A2ML1: variants seen among roughly 807,000 people sequenced by gnomAD.
A2ML1 encodes the protein alpha-2-macroglobulin like 1.
Under a neutral mutation model 181.9 loss-of-function variants are expected in A2ML1, and 161 were observed. The observed-to-expected ratio is 0.89, with a 90% confidence interval of 0.78 to 1.01. The LOEUF is 1.01. A2ML1 is among the 50% of genes least tolerant of loss of function. The pLI, the probability that A2ML1 is intolerant of heterozygous loss-of-function variation, is 0.00. For missense variants in A2ML1, 1,670 were observed against 1,768.1 expected (o/e 0.94, Z 1.00); for synonymous variants, 663 against 666.8 (o/e 0.99, Z 0.09).
intron 33 of A2ML1, among the ~76,000 whole-genome samples, chr12:8,871,514 T>C (rs777110633): frequency 2.4e-4 from 36 of 152,252 alleles, no homozygotes; most frequent in African/African-American, 8.4e-4. Context: ...CGTTTCACCA[T>C]GTTGGCCAGG....
chr12:8,827,513 C>A (rs755311267), intron 3 of A2ML1, among the ~76,000 whole-genome samples: 3 of 151,846 alleles, frequency 2.0e-5, no homozygotes, highest in Non-Finnish European at 2.9e-5. Flanking sequence ...TCTGTGTTAT[C>A]TAAAATTTTG....
At chr12:8,822,979 C>T (rs897917524) in intron 1 of A2ML1, among the ~76,000 whole-genome samples, 1 of 152,126 alleles carries the variant, frequency 6.6e-6, no homozygotes, top group Non-Finnish European at 1.5e-5. Context: ...CATGTGTGCT[C>T]GGTGAGGGCC....
At chr12:8,882,311 T>G (rs945194435) in intron 7 of A2ML1, among the ~76,000 whole-genome samples, 1 of 152,150 alleles carries the variant, frequency 6.6e-6, no homozygotes, top group African/African-American at 2.4e-5. Context: ...CTTGAAGGCT[T>G]TCCCTTCTCC....
In A2ML1 at chr12:8,829,711, G is replaced by T. The variant is rs771610150; in HGVS notation, c.410-16G>T. On this transcript the variant is annotated splice_polypyrimidine_tract_variant and intron_variant, in intron 3 of 35. Transcript: ENST00000299698. ...AGGAAACATCCCCTTTGCTAATGAT[G>T]CCTGTTCCTTTCCAGTGTATTTCCG... 6.2e-7 allele frequency: 1 copy of T among 1,607,336 alleles called. No individual in the cohort carries two copies. The highest frequency in any genetic ancestry group is 1.1e-5 in the South Asian group (1 of 90,920).
chr12:8,874,233 C>G (rs1378501738), intron 33 of A2ML1, among the ~76,000 whole-genome samples, 192 bp from the exon 34 acceptor site: 1 of 152,096 alleles, frequency 6.6e-6, no homozygotes, highest in African/African-American at 2.4e-5. Context: ...CCAGGCTGGT[C>G]TGGAACTCCT....
chr12:8,829,871 G>A, intron 4 of A2ML1, 92 bp downstream of exon 4: 1 of 1,496,924 alleles, frequency 6.7e-7, no homozygotes, highest in Admixed American at 1.7e-5. Flanking sequence ...GCCTGGGCGT[G>A]GCAAGGCGAG....
At chr12:8,845,260 AGGACCCG>A (rs1254530881) in intron 12 of A2ML1, 175 bp from the exon 13 acceptor site, 16 of 1,494,880 alleles carry the variant, frequency 1.1e-5, no homozygotes, top group Non-Finnish European at 1.4e-5. Context: ...AGGAGCCACC[AGGACCCG>A]TTGGCAGCAT....
intron 26 of A2ML1, among the ~76,000 whole-genome samples, chr12:8,859,677 A>T (rs1324932429): frequency 6.6e-6 from 1 of 151,712 alleles, no homozygotes; most frequent in East Asian, 1.9e-4. Context: ...GGTTCAAGTG[A>T]TCTCAGCCTC....
At chr12:8,860,144 T>C (rs1592145827) in intron 26 of A2ML1, among the ~76,000 whole-genome samples, 1 of 152,122 alleles carries the variant, frequency 6.6e-6, no homozygotes, top group Admixed American at 6.5e-5. Flanking sequence ...CGGGCTCAGA[T>C]GATCCTCCTA....
In A2ML1 at chr12:8,823,320, A is replaced by G. The variant is rs371564965; in HGVS notation, c.201A>G (p.Glu67=). The G allele has an allele frequency of 9.9e-6, 16 of 1,614,208 alleles. No individual in the cohort carries two copies. In the African/African-American group the frequency reaches 1.6e-4, roughly 16 times the overall value. ...ETKDKTQKLL[E]YSGLKKRHLH... is the part of the protein sequence containing the mutation. ...AGGACAAGACCCAGAAGTTGCTAGA[A>G]TACTCTGGACTGAAGAAGAGGCACT... The change falls in exon 2 of 36, where the codon GAA becomes GAG. Residue 67 remains glutamate (E), a synonymous_variant. Coordinates refer to ENST00000299698, the MANE Select transcript of A2ML1 (RefSeq NM_144670.6).
At position 8,839,163 on chromosome 12, in the gene A2ML1, T is replaced by C; in HGVS notation, c.1021T>C (p.Ser341Pro). The C allele has an allele frequency of 6.2e-7, 1 of 1,613,700 alleles. No individual in the cohort carries two copies. The highest frequency in any genetic ancestry group is 8.5e-7 in the Non-Finnish European group (1 of 1,179,706). ...TATCTACATTTCTCCACAAATGGGA[T>C]CAATGACCTTTGAAGACACCAGCAA... ...QNIYISPQMG[S>P]MTFEDTSNFY... The change falls in exon 10 of 36, where the codon TCA becomes CCA. Residue 341 changes from serine (S) to proline (P), a missense_variant. Transcript: ENST00000299698.
downstream of A2ML1, among the ~76,000 whole-genome samples, chr12:8,877,315 T>A (rs770286166): frequency 1.8e-4 from 27 of 152,144 alleles, no homozygotes; most frequent in African/African-American, 6.5e-4. Flanking sequence ...AAGTACATTC[T>A]ACAAAAATAA....
intron 28 of A2ML1, among the ~76,000 whole-genome samples, chr12:8,863,168 G>C (rs1259388673): frequency 6.6e-6 from 1 of 150,888 alleles, no homozygotes; most frequent in East Asian, 1.9e-4. Context: ...GTGCATTGGC[G>C]TGATCTCAGT....
chr12:8,882,011 A>T (rs1249016230), intron 7 of A2ML1, among the ~76,000 whole-genome samples: 3 of 136,276 alleles, frequency 2.2e-5, no homozygotes, highest in African/African-American at 7.7e-5. Flanking sequence ...ACTCTGTCTC[A>T]AAAAAAAAAA....
At chr12:8,885,048 A>T (rs760268779) in intron 7 of A2ML1, among the ~76,000 whole-genome samples, 1 of 152,148 alleles carries the variant, frequency 6.6e-6, no homozygotes, top group Non-Finnish European at 1.5e-5. Flanking sequence ...CAGTAATGGG[A>T]TTGCTGGCTT....
At chr12:8,823,984 G>A in intron 3 of A2ML1, 102 bp downstream of exon 3, 1 of 1,338,524 alleles carries the variant, frequency 7.5e-7, no homozygotes, top group Non-Finnish European at 1.0e-6. Context: ...TGGAAAAAAA[G>A]GAGTGCAGAG....
chr12:8,852,214 A>T lies in A2ML1; in HGVS notation c.2468A>T (p.Gln823Leu). The T allele has an allele frequency of 1.2e-6, 2 of 1,614,136 alleles. No individual in the cohort carries two copies. The highest frequency in any genetic ancestry group is 1.7e-6 in the Non-Finnish European group (2 of 1,180,046). ...FNYLKDCIRV[Q>L]TDLAKSHEYQ... ...TCTCTTAAACATCCTCCGTAGGTTC[A>T]GACTGACCTGGCTAAATCGCATGAG... The change falls in exon 20 of 36, where the codon CAG (glutamine) becomes CTG (leucine). Residue 823 changes from glutamine to leucine, a missense_variant. By Grantham distance (113) the Gln-to-Leu change is moderately radical. Coordinates refer to ENST00000299698, the MANE Select transcript of A2ML1 (RefSeq NM_144670.6). This position sits in a 1 kb window ranked among gnomAD's most constrained non-coding sequence, Gnocchi z 4.2.
chr12:8,841,348 G>A (rs763384356), intron 10 of A2ML1, 21 bp from the exon 11 acceptor site: 40 of 1,610,658 alleles, frequency 2.5e-5, no homozygotes, highest in South Asian at 1.3e-4. Context: ...ATTCTAATCC[G>A]TAATGATCTT....
intron 35 of A2ML1, chr12:8,875,333 C>T (rs1231006750): frequency 1.3e-5 from 3 of 225,910 alleles, no homozygotes; most frequent in Non-Finnish European, 2.6e-5. Flanking sequence ...CCACCTCGGC[C>T]TCCCAAAGTG....
Sources: gnomAD v4.1 joint callset for allele counts (sites outside exome capture counted in the v4.1 genomes callset) on GRCh38, gnomAD v4.1.1 for gene constraint, Gnocchi (gnomAD v3.1) non-coding constraint, MANE v1.5 for transcripts, NCBI Gene and HGNC (gene_info 2026-07-23, HGNC 2026-07-21) for gene names.